POU2AF2: variants seen among roughly 807,000 people sequenced by gnomAD.
The protein encoded by POU2AF2 is POU domain class 2-associating factor 2.
At chr11:111,262,278 T>C in the POU2AF2 span, among the ~76,000 whole-genome samples, 2 of 152,196 alleles carry the variant, frequency 1.3e-5, no homozygotes, top group African/African-American at 4.8e-5. Flanking sequence ...ATAGGCACCA[T>C]TCGGTGTGTT....
the POU2AF2 span, among the ~76,000 whole-genome samples, chr11:111,274,118 G>T: frequency 6.6e-6 from 1 of 152,122 alleles, no homozygotes; most frequent in Admixed American, 6.5e-5. Flanking sequence ...TGCACATGCT[G>T]AAGGACCCTG....
At chr11:111,269,137 G>C in the POU2AF2 span, among the ~76,000 whole-genome samples, 1 of 152,022 alleles carries the variant, frequency 6.6e-6, no homozygotes, top group Non-Finnish European at 1.5e-5. Flanking sequence ...TCATAGCACA[G>C]TGCTTTGCAT....
chr11:111,249,453 G>A, the POU2AF2 span, among the ~76,000 whole-genome samples: 3 of 152,048 alleles, frequency 2.0e-5, no homozygotes, highest in Non-Finnish European at 2.9e-5. Context: ...CACCTTTTGT[G>A]CTGTTGCAAA....
At chr11:111,256,003 C>T in the POU2AF2 span, 15 of 399,216 alleles carry the variant, frequency 3.8e-5, no homozygotes, top group South Asian at 2.5e-4. Context: ...CTACAGCAAA[C>T]GAGTGTATCA....
chr11:111,264,567 A>G, the POU2AF2 span, among the ~76,000 whole-genome samples: 248 of 49,912 alleles, frequency 5.0e-3, 30 homozygotes, highest in African/African-American at 0.015. Context: ...AAAGAAAGAA[A>G]GAAAGAAAGG....
At chr11:111,284,360 C>T in the POU2AF2 span, 292 of 1,606,546 alleles carry the variant, frequency 1.8e-4, no homozygotes, top group African/African-American at 3.6e-3. Context: ...CCCCGGAGAC[C>T]CAGCTCACTT....
chr11:111,285,767 G>C, the POU2AF2 span: 2 of 1,612,790 alleles, frequency 1.2e-6, no homozygotes, highest in Middle Eastern at 1.6e-4. Flanking sequence ...GCTTGAGTCC[G>C]GGAGCATCGC....
At chr11:111,285,287 T>A in the POU2AF2 span, among the ~76,000 whole-genome samples, 1 of 152,138 alleles carries the variant, frequency 6.6e-6, no homozygotes, top group Non-Finnish European at 1.5e-5. Flanking sequence ...CCTTCCCCAC[T>A]GTGTAAATGG....
At chr11:111,247,028 T>C in the POU2AF2 span, among the ~76,000 whole-genome samples, 8 of 152,276 alleles carry the variant, frequency 5.3e-5, no homozygotes, top group East Asian at 7.7e-4. Context: ...ACCTTTTTTT[T>C]CCCTAGATTC....
the POU2AF2 span, among the ~76,000 whole-genome samples, chr11:111,264,533 A>AAAG: frequency 1.5e-5 from 1 of 67,958 alleles, no homozygotes; most frequent in African/African-American, 5.4e-5. Context: ...AGAAAGAAAG[A>AAAG]AAGAAAGAAA....
the POU2AF2 span, among the ~76,000 whole-genome samples, chr11:111,275,207 T>C: frequency 1.3e-5 from 2 of 152,208 alleles, no homozygotes; most frequent in South Asian, 4.1e-4. Context: ...ACTCTGGTAT[T>C]AGGGGATTGA....
At chr11:111,264,582 GAGAA>G in the POU2AF2 span, among the ~76,000 whole-genome samples, 2 of 138,710 alleles carry the variant, frequency 1.4e-5, no homozygotes, top group Non-Finnish European at 3.1e-5. Context: ...GAAAGGGAGA[GAGAA>G]AGACAGAAAG....
At chr11:111,265,911 G>C in the POU2AF2 span, among the ~76,000 whole-genome samples, 1 of 151,422 alleles carries the variant, frequency 6.6e-6, no homozygotes. Flanking sequence ...TTACCCACAT[G>C]CTGATTGAGC....
chr11:111,254,914 T>C, the POU2AF2 span, among the ~76,000 whole-genome samples: 1 of 152,232 alleles, frequency 6.6e-6, no homozygotes, highest in African/African-American at 2.4e-5. Flanking sequence ...TTGTCTAACC[T>C]ACTACAGAAC....
chr11:111,280,057 A>AATAT, the POU2AF2 span, among the ~76,000 whole-genome samples: 15 of 76,470 alleles, frequency 2.0e-4, no homozygotes, highest in African/African-American at 5.0e-4. Context: ...AAAAAAAAAA[A>AATAT]ATATATATAT....
At chr11:111,275,812 C>A in the POU2AF2 span, among the ~76,000 whole-genome samples, 1 of 151,848 alleles carries the variant, frequency 6.6e-6, no homozygotes, top group African/African-American at 2.4e-5. Flanking sequence ...TTCTAAAAAT[C>A]AAATGGAATT....
At chr11:111,258,368 G>A in the POU2AF2 span, among the ~76,000 whole-genome samples, 32 of 152,124 alleles carry the variant, frequency 2.1e-4, no homozygotes, top group African/African-American at 7.5e-4. Context: ...CATTGTCAGG[G>A]AATAAACATG....
chr11:111,246,954 C>CA, the POU2AF2 span, among the ~76,000 whole-genome samples: 119 of 152,294 alleles, frequency 7.8e-4, no homozygotes, highest in Admixed American at 1.0e-3. Flanking sequence ...TTCTGATCTA[C>CA]ATCTCATTTC....
chr11:111,274,116 C>G, the POU2AF2 span, among the ~76,000 whole-genome samples: 8 of 152,068 alleles, frequency 5.3e-5, no homozygotes, highest in African/African-American at 1.9e-4. Context: ...AGTGCACATG[C>G]TGAAGGACCC....
Sources: allele counts gnomAD v4.1 joint callset (sites outside exome capture counted in the v4.1 genomes callset), GRCh38; gene constraint gnomAD v4.1.1; transcripts MANE v1.5; gene names NCBI Gene and HGNC (gene_info 2026-07-23, HGNC 2026-07-21).